The following RARB variants were observed in gnomAD, a reference collection of about 807,000 sequenced individuals.
RARB encodes the protein HBV-activated protein.
In RARB, 17 loss-of-function variants were observed where a neutral mutation model predicts 51.9. That is an observed-to-expected ratio of 0.33 (90% CI 0.22 to 0.49). The LOEUF (loss-of-function observed/expected upper bound fraction) is 0.49, where lower values mean the gene tolerates loss of function less well. Ranked by LOEUF, RARB falls within the 20% of genes least tolerant of loss-of-function variation. The probability of loss-of-function intolerance (pLI) is 0.99; values close to 1 mark genes in which losing one functional copy is unlikely to be tolerated. For missense variants in RARB, 369 were observed against 550.8 expected (o/e 0.67, Z 3.30); for synonymous variants, 215 against 195.4 (o/e 1.10, Z -0.84).
At chr3:25,016,247 AT>A (rs1453144392) in intron 2 of RARB, among the ~76,000 whole-genome samples, 4 of 152,214 alleles carry the variant, frequency 2.6e-5, no homozygotes, top group Non-Finnish European at 5.9e-5. Flanking sequence ...TGGGATTAAG[AT>A]ACTATACTAA....
chr3:25,525,469 C>G (rs1053968037), intron 3 of RARB, among the ~76,000 whole-genome samples: 1 of 152,212 alleles, frequency 6.6e-6, no homozygotes, highest in Non-Finnish European at 1.5e-5. Flanking sequence ...CATAGACCCC[C>G]CTCAGCAAAC....
intron 3 of RARB, among the ~76,000 whole-genome samples, chr3:25,084,528 C>A (rs1307269702): frequency 6.8e-5 from 4 of 58,758 alleles, no homozygotes; most frequent in Non-Finnish European, 6.2e-5. Context: ...GTATTGGATT[C>A]TTTACACATC....
At chr3:24,836,292 G>A (rs1702344469) in intron 1 of RARB, among the ~76,000 whole-genome samples, 1 of 152,184 alleles carries the variant, frequency 6.6e-6, no homozygotes. Flanking sequence ...TACGTGGCAA[G>A]GGACTGGATA....
intron 5 of RARB, among the ~76,000 whole-genome samples, chr3:25,246,817 C>T (rs140483228): frequency 1.7e-4 from 26 of 152,174 alleles, no homozygotes; most frequent in Admixed American, 7.2e-4. Context: ...CACTTGAGGA[C>T]GCAGTCTGTC....
intron 5 of RARB, among the ~76,000 whole-genome samples, chr3:25,591,049 A>G (rs1388998401): frequency 1.3e-5 from 2 of 152,218 alleles, no homozygotes; most frequent in Non-Finnish European, 2.9e-5. Context: ...GATGAAGTGA[A>G]ACAGGTCAAC....
chr3:25,180,013 T>C (rs1395240946), intron 5 of RARB, among the ~76,000 whole-genome samples: 1 of 152,174 alleles, frequency 6.6e-6, no homozygotes, highest in Non-Finnish European at 1.5e-5. Flanking sequence ...CAAGAATATA[T>C]GAATATGAAT....
intron 4 of RARB, among the ~76,000 whole-genome samples, chr3:25,579,508 C>G (rs568126726): frequency 6.6e-6 from 1 of 152,278 alleles, no homozygotes; most frequent in South Asian, 2.1e-4. Flanking sequence ...TAGCATGCTT[C>G]CAAGGTTTAT....
chr3:25,594,890 A>AT (rs1701759163), intron 7 of RARB, among the ~76,000 whole-genome samples: 1 of 151,984 alleles, frequency 6.6e-6, no homozygotes, highest in Admixed American at 6.6e-5. Context: ...TATCTTAACG[A>AT]TTGAGAGCTT....
Position 24,848,402 on chromosome 3 carries a change from T to C in RARB, c.-458-10272T>C, listed in dbSNP as rs1302856014. Reference sequence around the variant, plus strand: ...ACATCAAATCCAAATACTGTCTCTCTTTCTTTTTAACTGTTTTTTTAAATA... The same window carrying C: ...ACATCAAATCCAAATACTGTCTCTCCTTCTTTTTAACTGTTTTTTTAAATA... On this transcript the variant is annotated intron_variant, in intron 1 of 11. Coordinates refer to the RARB transcript ENST00000383772. Among the ~76,000 whole-genome samples, 4 of 152,320 alleles carry C rather than the reference T, an allele frequency of 2.6e-5. No homozygotes were observed. In the East Asian group the frequency reaches 7.7e-4, roughly 29 times the overall value.
chr3:25,385,753 A>G (rs1224811091), intron 5 of RARB, among the ~76,000 whole-genome samples: 3 of 152,048 alleles, frequency 2.0e-5, no homozygotes, highest in African/African-American at 7.2e-5. Flanking sequence ...GTTCTCCTTC[A>G]TTCCCTTTCT....
At chr3:24,861,503 T>C (rs902034678) in intron 2 of RARB, among the ~76,000 whole-genome samples, 6 of 151,988 alleles carry the variant, frequency 3.9e-5, no homozygotes, top group Admixed American at 1.3e-4. Flanking sequence ...CAGTTATGCC[T>C]ATTGATATTT....
chr3:24,998,008 A>C (rs1047489592), intron 2 of RARB, among the ~76,000 whole-genome samples: 2 of 152,150 alleles, frequency 1.3e-5, no homozygotes, highest in Admixed American at 1.3e-4. Context: ...TTAACCTCGC[A>C]GTATACTTTG....
chr3:25,303,784 C>T (rs1483179673), intron 5 of RARB, among the ~76,000 whole-genome samples: 1 of 152,204 alleles, frequency 6.6e-6, no homozygotes, highest in Non-Finnish European at 1.5e-5. Context: ...CGTAGAGCCA[C>T]AGCCAGCCGG....
chr3:25,565,777 C>T (rs1700467511), intron 3 of RARB, among the ~76,000 whole-genome samples: 2 of 152,118 alleles, frequency 1.3e-5, no homozygotes, highest in African/African-American at 4.8e-5. Context: ...ATTCTTCCTG[C>T]ATAACTAACC....
chr3:25,270,550 A>T (rs914887668), intron 5 of RARB, among the ~76,000 whole-genome samples: 3 of 152,214 alleles, frequency 2.0e-5, no homozygotes, highest in African/African-American at 7.2e-5. Flanking sequence ...TGGAATGTGT[A>T]CATGTTTGTT....
chr3:25,533,460 G>T (rs2125646153), intron 3 of RARB, among the ~76,000 whole-genome samples: 1 of 152,286 alleles, frequency 6.6e-6, no homozygotes, highest in African/African-American at 2.4e-5. Flanking sequence ...GGATAGCATT[G>T]TTTATTATTT....
chr3:25,594,433 C>A, intron 6 of RARB, 87 bp from the exon 7 acceptor site: 2 of 1,336,508 alleles, frequency 1.5e-6, no homozygotes, highest in Non-Finnish European at 2.0e-6. Context: ...AATTAATGAA[C>A]TCATAACAGT....
chr3:25,594,625 T>C lies in RARB; in HGVS notation c.1097T>C (p.Met366Thr), dbSNP rs781234532. ...IRKRRPSKPH[M>T]FPKILMKITD... ...AAAAGACGACCCAGCAAGCCTCACA[T>C]GTTTCCAAAGATCTTAATGAAAATC... The change falls in exon 7 of 8, where the codon ATG (methionine) becomes ACG (threonine). Residue 366 changes from methionine to threonine, a missense_variant. Around this residue, in one of 9 missense-constraint regions of RARB, gnomAD observed 76 missense variants for 153.3 expected, o/e 0.50. Coordinates refer to ENST00000330688, the MANE Select transcript of RARB (RefSeq NM_000965.5). The C allele has an allele frequency of 1.2e-6, 2 of 1,613,568 alleles. No individual in the cohort carries two copies. The highest frequency in any genetic ancestry group is 2.2e-5 in the East Asian group (1 of 44,872).
rs906719593 is a variant in RARB at position 25,370,765 on chromosome 3, A to C, written c.179-90428A>C. Among the ~76,000 whole-genome samples, 4 of 152,186 alleles carry C rather than the reference A, an allele frequency of 2.6e-5. 1 individual carries two copies. In the East Asian group the frequency reaches 7.7e-4, roughly 29 times the overall value. ...TATGTTAATTTCCTATGGCTGCTGTAATGAATTATCCCAGGCTTGCTGGCG... is the reference window on the plus strand; with the variant it reads ...TATGTTAATTTCCTATGGCTGCTGTCATGAATTATCCCAGGCTTGCTGGCG... On this transcript the variant is annotated intron_variant, in intron 5 of 11. Coordinates refer to the RARB transcript ENST00000383772.
Sources: gnomAD v4.1 joint callset for allele counts (sites outside exome capture counted in the v4.1 genomes callset) on GRCh38, gnomAD v4.1.1 for gene constraint, gnomAD v4.1.1 regional missense constraint, MANE v1.5 for transcripts, NCBI Gene and HGNC (gene_info 2026-07-23, HGNC 2026-07-21) for gene names.